FBN1: variants seen among roughly 807,000 people sequenced by gnomAD.
FBN1 encodes the protein fibrillin 1, also known as fibrillin-1.
Under a neutral mutation model 365.1 loss-of-function variants are expected in FBN1, and 29 were observed. The ratio of observed to expected loss-of-function variants is 0.08; its 90% confidence interval spans 0.06 to 0.11. FBN1 has a LOEUF of 0.11. Among genes scored for constraint, FBN1 ranks in the 10% least tolerant of loss-of-function variants. The probability of loss-of-function intolerance (pLI) is 1.00; values close to 1 mark genes in which losing one functional copy is unlikely to be tolerated. For synonymous variants in FBN1, 1,210 were observed against 1,270.5 expected (o/e 0.95, Z 1.01); for missense variants, 2,476 against 3,703.2 (o/e 0.67, Z 8.60).
intron 13 of FBN1, 107 bp from the exon 14 acceptor site, chr15:48,510,276 T>C (rs2043748328): frequency 9.7e-7 from 1 of 1,027,622 alleles, no homozygotes; most frequent in Admixed American, 2.1e-5. Context: ...CTTTTGGTTT[T>C]AATTACTTAA....
chr15:48,625,660 T>TA (rs1889861946), intron 2 of FBN1, among the ~76,000 whole-genome samples: 1 of 152,174 alleles, frequency 6.6e-6, no homozygotes, highest in Non-Finnish European at 1.5e-5. Context: ...AACTATAACA[T>TA]AAAATCAGTA....
chr15:48,589,403 A>C (rs1189648449), intron 6 of FBN1, among the ~76,000 whole-genome samples: 1 of 152,152 alleles, frequency 6.6e-6, no homozygotes, highest in East Asian at 1.9e-4. Context: ...CCTGCGAGAC[A>C]GAGGAGCATG....
At chr15:48,519,940 C>T (rs1365738405) in intron 10 of FBN1, among the ~76,000 whole-genome samples, 1 of 152,084 alleles carries the variant, frequency 6.6e-6, no homozygotes, top group Non-Finnish European at 1.5e-5. Flanking sequence ...CGAAAGTGTG[C>T]TGTATTTATG....
intron 37 of FBN1, 69 bp from the exon 38 acceptor site, chr15:48,468,171 A>AC: frequency 1.3e-6 from 2 of 1,576,144 alleles, no homozygotes; most frequent in Non-Finnish European, 1.7e-6. Flanking sequence ...ATTCAAACCC[A>AC]CTTCAGGAAC....
intron 2 of FBN1, 111 bp downstream of exon 2, chr15:48,644,494 GC>G: frequency 6.8e-7 from 1 of 1,472,106 alleles, no homozygotes; most frequent in Middle Eastern, 1.7e-4. Flanking sequence ...CCTCTAAGGT[GC>G]CCCCAGGAGG....
intron 2 of FBN1, among the ~76,000 whole-genome samples, chr15:48,631,029 T>G (rs1376177377): frequency 6.6e-6 from 1 of 152,158 alleles, no homozygotes; most frequent in Non-Finnish European, 1.5e-5. Context: ...AGAGCTGGCA[T>G]GTAGGGTGCA....
intron 46 of FBN1, among the ~76,000 whole-genome samples, chr15:48,448,048 C>T (rs972970236): frequency 2.2e-4 from 34 of 152,238 alleles, no homozygotes; most frequent in Admixed American, 2.0e-3. Context: ...GTGCTCTTGT[C>T]ATTACTCTGG....
chr15:48,422,126 G>A (rs2042948676), intron 60 of FBN1, 58 bp from the exon 61 acceptor site: 2 of 1,180,786 alleles, frequency 1.7e-6, no homozygotes, highest in South Asian at 1.2e-5. Context: ...GATCAGGGAA[G>A]CTGACCCTAT....
intron 50 of FBN1, among the ~76,000 whole-genome samples, chr15:48,440,736 T>C (rs1441513052): frequency 2.0e-5 from 3 of 152,076 alleles, no homozygotes; most frequent in Non-Finnish European, 4.4e-5. Flanking sequence ...TGGGCAGATA[T>C]TATTGTTGTT....
chr15:48,564,638 G>GTT (rs1199237808), intron 6 of FBN1, among the ~76,000 whole-genome samples: 37 of 152,126 alleles, frequency 2.4e-4, no homozygotes, highest in Admixed American at 7.2e-4. Context: ...AATATTTATA[G>GTT]TTGCACAACT....
In FBN1 at chr15:48,515,494, T is replaced by C. The variant is rs2043793504; in HGVS notation, c.1361A>G (p.Gln454Arg). The change falls in exon 12 of 66, where the codon CAG (glutamine) becomes CGG (arginine). Residue 454 changes from glutamine to arginine, a missense_variant. By Grantham distance (43) the Gln-to-Arg change is conservative. Transcript: ENST00000316623. Reference protein sequence around the residue: ...VLPVNVTDYCQLVRYLCQNGR... With the variant: ...VLPVNVTDYCRLVRYLCQNGR... Reference sequence around the variant, plus strand: ...ATTTTGACAGAGATAGCGGACCAACTGGCAGTAATCAGTAACGTTTACTGG... The same window carrying C: ...ATTTTGACAGAGATAGCGGACCAACCGGCAGTAATCAGTAACGTTTACTGG... 1 of 1,614,026 alleles carries C rather than the reference T, an allele frequency of 6.2e-7. No individual in the cohort carries two copies. The highest frequency in any genetic ancestry group is 2.2e-5 in the East Asian group (1 of 44,884).
chr15:48,489,349 C>A (rs1389616208), intron 25 of FBN1, among the ~76,000 whole-genome samples: 1 of 151,758 alleles, frequency 6.6e-6, no homozygotes, highest in Non-Finnish European at 1.5e-5. Context: ...GCATCCAGCT[C>A]AAGATCTCAT....
At chr15:48,513,186 A>G (rs1051136269) in intron 13 of FBN1, among the ~76,000 whole-genome samples, 3 of 152,232 alleles carry the variant, frequency 2.0e-5, no homozygotes, top group African/African-American at 7.2e-5. Flanking sequence ...AGAACTTTCC[A>G]TTAAGAAATT....
intron 34 of FBN1, 120 bp from the exon 35 acceptor site, chr15:48,472,796 G>T: frequency 1.4e-6 from 2 of 1,381,162 alleles, no homozygotes; most frequent in East Asian, 2.3e-5. Flanking sequence ...CACATTTAAA[G>T]TCATTTATTT....
At chr15:48,620,718 G>T (rs1364330442) in intron 2 of FBN1, among the ~76,000 whole-genome samples, 1 of 152,056 alleles carries the variant, frequency 6.6e-6, no homozygotes, top group Non-Finnish European at 1.5e-5. Context: ...ATTACTGCTG[G>T]CTGTTCAGCA....
intron 6 of FBN1, among the ~76,000 whole-genome samples, chr15:48,577,477 C>A (rs1008906638): frequency 2.0e-5 from 3 of 152,080 alleles, no homozygotes; most frequent in Non-Finnish European, 4.4e-5. Context: ...CTGATTAATT[C>A]CAAGGGGGGG....
At chr15:48,444,490 TCCAGTGGACAC>T (rs760286966) in intron 49 of FBN1, 40 bp downstream of exon 49, 25 of 1,609,250 alleles carry the variant, frequency 1.6e-5, no homozygotes, top group Middle Eastern at 3.3e-4. Context: ...TTCTGCTAAG[TCCAGTGGACAC>T]CCGACACTCC....
chr15:48,623,179 G>A (rs557999394), intron 2 of FBN1, among the ~76,000 whole-genome samples: 4 of 152,108 alleles, frequency 2.6e-5, no homozygotes, highest in South Asian at 2.1e-4. Context: ...TAGTGAGTAC[G>A]AAGTACAATT....
At chr15:48,532,437 GAT>G (rs959884736) in intron 8 of FBN1, among the ~76,000 whole-genome samples, 6 of 151,586 alleles carry the variant, frequency 4.0e-5, no homozygotes, top group African/African-American at 1.5e-4. Flanking sequence ...TGTGTATATA[GAT>G]ATATGTGTGT....
Sources: gnomAD v4.1 joint callset for allele counts (sites outside exome capture counted in the v4.1 genomes callset) on GRCh38, gnomAD v4.1.1 for gene constraint, MANE v1.5 for transcripts, NCBI Gene and HGNC (gene_info 2026-07-23, HGNC 2026-07-21) for gene names.